The following ROBO2 variants were observed in gnomAD, a reference collection of about 807,000 sequenced individuals.
ROBO2 encodes roundabout guidance receptor 2.
Under a neutral mutation model 160.8 loss-of-function variants are expected in ROBO2, and 53 were observed. The ratio of observed to expected loss-of-function variants is 0.33; its 90% confidence interval spans 0.26 to 0.41. The LOEUF is 0.41. ROBO2 is among the 10% of genes least tolerant of loss of function. The probability of loss-of-function intolerance (pLI) is 1.00; values close to 1 mark genes in which losing one functional copy is unlikely to be tolerated. For synonymous variants in ROBO2, 664 were observed against 611.7 expected (o/e 1.09, Z -1.26); for missense variants, 1,577 against 1,722.4 (o/e 0.92, Z 1.49).
chr3:77,168,717 C>T (rs2079342200), intron 2 of ROBO2, among the ~76,000 whole-genome samples: 1 of 152,164 alleles, frequency 6.6e-6, no homozygotes, highest in African/African-American at 2.4e-5. Context: ...AAAAAGTCTG[C>T]TGAGTCTGGG....
At chr3:77,295,660 G>C (rs1469819775) in intron 2 of ROBO2, among the ~76,000 whole-genome samples, 4 of 94,396 alleles carry the variant, frequency 4.2e-5, no homozygotes, top group Admixed American at 4.1e-4. Flanking sequence ...GATCACCCCA[G>C]ACATAAAGTA....
chr3:76,985,634 C>T (rs913706260), intron 2 of ROBO2, among the ~76,000 whole-genome samples: 14 of 91,220 alleles, frequency 1.5e-4, no homozygotes, highest in African/African-American at 4.0e-4. Flanking sequence ...CATAAAAAAA[C>T]GGAGCAGTTC....
intron 3 of ROBO2, among the ~76,000 whole-genome samples, chr3:77,477,854 G>A (rs1285853166): frequency 8.4e-5 from 1 of 11,898 alleles, no homozygotes; most frequent in African/African-American, 3.6e-4. Context: ...TTTTTTTTTT[G>A]AGACAGAGTC....
At chr3:76,128,941 A>AT (rs1315262620) in intron 2 of ROBO2, among the ~76,000 whole-genome samples, 2 of 151,854 alleles carry the variant, frequency 1.3e-5, no homozygotes, top group African/African-American at 2.4e-5. Flanking sequence ...GTGAATAATC[A>AT]TTTTTTGTAG....
intron 2 of ROBO2, among the ~76,000 whole-genome samples, chr3:77,295,044 G>C (rs1261141166): frequency 6.6e-6 from 1 of 151,094 alleles, no homozygotes; most frequent in Non-Finnish European, 1.5e-5. Context: ...AAGAAAAATT[G>C]ATGCTTAAAC....
chr3:75,953,090 T>A (rs557251611), intron 2 of ROBO2, among the ~76,000 whole-genome samples: 1 of 152,058 alleles, frequency 6.6e-6, no homozygotes, highest in African/African-American at 2.4e-5. Flanking sequence ...GAAGAAGGTT[T>A]TTGTGTGCAT....
chr3:75,986,359 G>A (rs1218195572), intron 2 of ROBO2, among the ~76,000 whole-genome samples: 2 of 151,412 alleles, frequency 1.3e-5, no homozygotes, highest in Non-Finnish European at 3.0e-5. Context: ...AATGTCTTTG[G>A]AGAAAAGTTC....
At chr3:76,090,198 T>A (rs1183006571) in intron 2 of ROBO2, among the ~76,000 whole-genome samples, 6 of 152,102 alleles carry the variant, frequency 3.9e-5, no homozygotes, top group African/African-American at 1.4e-4. Flanking sequence ...CAGTGGCTCA[T>A]GCTTGTAATC....
chr3:76,272,431 G>A (rs528696174), intron 2 of ROBO2, among the ~76,000 whole-genome samples: 28 of 151,846 alleles, frequency 1.8e-4, no homozygotes, highest in African/African-American at 5.6e-4. Flanking sequence ...TTGGGAGGCC[G>A]AGGTGGGTGG....
intron 2 of ROBO2, among the ~76,000 whole-genome samples, chr3:76,425,244 C>T (rs1438970533): frequency 6.6e-6 from 1 of 151,628 alleles, no homozygotes; most frequent in African/African-American, 2.4e-5. Flanking sequence ...GTGTATTTTG[C>T]CTTCTGACTT....
intron 1 of ROBO2, among the ~76,000 whole-genome samples, chr3:77,084,469 T>G (rs2149961620): frequency 6.6e-6 from 1 of 152,294 alleles, no homozygotes; most frequent in Middle Eastern, 3.4e-3. Flanking sequence ...TTCACAAAAC[T>G]TATCACTTTA....
chr3:76,828,623 G>A (rs557931919), intron 2 of ROBO2, among the ~76,000 whole-genome samples: 2 of 152,054 alleles, frequency 1.3e-5, no homozygotes, highest in South Asian at 2.1e-4. Context: ...CCCATTATTA[G>A]GTAATAATTT....
intron 2 of ROBO2, among the ~76,000 whole-genome samples, chr3:76,949,594 C>T (rs1489970567): frequency 6.6e-6 from 1 of 152,190 alleles, no homozygotes; most frequent in Non-Finnish European, 1.5e-5. Flanking sequence ...CGGCTTCTCC[C>T]CTATTTCCCG....
At chr3:77,521,962 A>C (rs1227758410) in intron 5 of ROBO2, among the ~76,000 whole-genome samples, 1 of 151,296 alleles carries the variant, frequency 6.6e-6, no homozygotes, top group Non-Finnish European at 1.5e-5. Context: ...ACTATTGCAA[A>C]ATGTGTGTTT....
intron 2 of ROBO2, among the ~76,000 whole-genome samples, chr3:76,689,479 G>A (rs2092754058): frequency 6.6e-6 from 1 of 151,896 alleles, no homozygotes; most frequent in Non-Finnish European, 1.5e-5. Context: ...TTTGTGTTGG[G>A]AAAATTACAA....
chr3:77,417,820 A>T (rs1268017394), intron 2 of ROBO2, among the ~76,000 whole-genome samples: 1 of 152,128 alleles, frequency 6.6e-6, no homozygotes, highest in African/African-American at 2.4e-5. Flanking sequence ...GATTATGTAT[A>T]TTTAATGCAA....
At chr3:76,694,611 G>A (rs941787164) in intron 2 of ROBO2, among the ~76,000 whole-genome samples, 6 of 151,972 alleles carry the variant, frequency 3.9e-5, no homozygotes, top group African/African-American at 1.5e-4. Flanking sequence ...TCATAGGAAA[G>A]CGTTCCTATC....
chr3:76,790,440 A>G (rs763694098), intron 2 of ROBO2, among the ~76,000 whole-genome samples: 17 of 151,698 alleles, frequency 1.1e-4, no homozygotes, highest in Non-Finnish European at 2.4e-4. Flanking sequence ...TGCTAATTGA[A>G]CTACAGATGC....
At chr3:77,266,451 T>G (rs2153346765) in intron 2 of ROBO2, among the ~76,000 whole-genome samples, 1 of 152,254 alleles carries the variant, frequency 6.6e-6, no homozygotes, top group Non-Finnish European at 1.5e-5. Flanking sequence ...AAAGACCTGC[T>G]GCTGATGAGG....
Sources: allele counts gnomAD v4.1 joint callset (sites outside exome capture counted in the v4.1 genomes callset), GRCh38; gene constraint gnomAD v4.1.1; transcripts MANE v1.5; gene names NCBI Gene and HGNC (gene_info 2026-07-23, HGNC 2026-07-21).